NARS2: variants seen among roughly 807,000 people sequenced by gnomAD.
NARS2 encodes asparaginyl-tRNA synthetase.
Under a neutral mutation model 62.9 loss-of-function variants are expected in NARS2, and 60 were observed. The ratio of observed to expected loss-of-function variants is 0.95; its 90% CI spans 0.77 to 1.18. The LOEUF is 1.18. Among genes scored for constraint, NARS2 ranks in the 50% most tolerant of loss-of-function variants. The probability of loss-of-function intolerance (pLI) is 0.00; values close to 1 mark genes in which losing one functional copy is unlikely to be tolerated. For synonymous variants in NARS2, 196 were observed against 200.0 expected (o/e 0.98, Z 0.17); for missense variants, 619 against 576.4 (o/e 1.07, Z -0.76).
At chr11:78,547,602 C>T (rs914231195) in intron 5 of NARS2, among the ~76,000 whole-genome samples, 1 of 151,672 alleles carries the variant, frequency 6.6e-6, no homozygotes, top group Non-Finnish European at 1.5e-5. Flanking sequence ...TTTTGGGAGG[C>T]CACGGCAGGC....
At chr11:78,545,742 C>T (rs1855848338) in intron 5 of NARS2, among the ~76,000 whole-genome samples, 1 of 151,914 alleles carries the variant, frequency 6.6e-6, no homozygotes, top group Non-Finnish European at 1.5e-5. Flanking sequence ...TCGTATTGGC[C>T]AGGCTGGTCT....
At chr11:78,451,429 A>C (rs1483550182) in intron 11 of NARS2, among the ~76,000 whole-genome samples, 1 of 152,252 alleles carries the variant, frequency 6.6e-6, no homozygotes, top group Admixed American at 6.5e-5. Context: ...GCAATTACAC[A>C]AATTTCTTGG....
intron 7 of NARS2, among the ~76,000 whole-genome samples, chr11:78,483,488 C>A (rs940289351): frequency 1.3e-5 from 2 of 152,252 alleles, no homozygotes; most frequent in South Asian, 4.1e-4. Context: ...ATTTAGAAAA[C>A]CACATCGTCT....
chr11:78,546,672 C>T (rs1855889648), intron 5 of NARS2: 2 of 152,286 alleles, frequency 1.3e-5, no homozygotes, highest in African/African-American at 4.8e-5. Context: ...TTCACTATAT[C>T]CCCTTGCTTC....
chr11:78,501,081 G>C (rs887803594), intron 6 of NARS2, among the ~76,000 whole-genome samples: 1 of 152,090 alleles, frequency 6.6e-6, no homozygotes, highest in Admixed American at 6.6e-5. Flanking sequence ...GACAGAGTGA[G>C]ACCCTGTCTC....
intron 7 of NARS2, among the ~76,000 whole-genome samples, chr11:78,486,111 G>A (rs1176355219): frequency 3.3e-5 from 5 of 152,160 alleles, no homozygotes; most frequent in African/African-American, 4.8e-5. Flanking sequence ...CTGACCTCAG[G>A]TGATCTGCCC....
intron 5 of NARS2, among the ~76,000 whole-genome samples, chr11:78,554,508 C>CGTGCGTGTGTGTGTGT (rs112168447): frequency 3.5e-4 from 51 of 147,014 alleles, no homozygotes; most frequent in Middle Eastern, 3.4e-3. Flanking sequence ...GGCGTGTGTG[C>CGTGCGTGTGTGTGTGT]GTGTGTGTGT....
At chr11:78,542,794 G>A (rs1855675094) in intron 5 of NARS2, among the ~76,000 whole-genome samples, 2 of 152,326 alleles carry the variant, frequency 1.3e-5, no homozygotes, top group Non-Finnish European at 2.9e-5. Flanking sequence ...AGTAACTCTA[G>A]AGGCTGGAGT....
At chr11:78,482,933 C>T (rs1859419109) in intron 7 of NARS2, among the ~76,000 whole-genome samples, 2 of 152,012 alleles carry the variant, frequency 1.3e-5, no homozygotes, top group Admixed American at 6.5e-5. Context: ...AGAGACACAA[C>T]AAAAAAAGAA....
chr11:78,456,385 C>T (rs573416990), intron 11 of NARS2, among the ~76,000 whole-genome samples: 2 of 152,216 alleles, frequency 1.3e-5, no homozygotes, highest in African/African-American at 2.4e-5. Context: ...AAGTATTTTA[C>T]GACAGACTGA....
intron 6 of NARS2, among the ~76,000 whole-genome samples, chr11:78,518,063 C>T (rs973729137): frequency 2.6e-5 from 4 of 152,196 alleles, no homozygotes; most frequent in Middle Eastern, 3.4e-3. Context: ...CGGCCCTCTG[C>T]ATTTACAGAT....
intron 5 of NARS2, among the ~76,000 whole-genome samples, chr11:78,542,605 T>C (rs1281631588): frequency 6.6e-6 from 1 of 152,166 alleles, no homozygotes; most frequent in East Asian, 1.9e-4. Context: ...CACAAAGGAC[T>C]TGACTACCAC....
intron 9 of NARS2, among the ~76,000 whole-genome samples, chr11:78,470,338 G>A (rs1279481349): frequency 6.6e-6 from 1 of 152,094 alleles, no homozygotes; most frequent in African/African-American, 2.4e-5. Context: ...ATGTATAAGA[G>A]TATACATCTC....
chr11:78,571,534 G>A lies in NARS2; in HGVS notation c.142-90C>T, dbSNP rs1419721184. On this transcript the variant is annotated intron_variant, in intron 1 of 13. Coordinates refer to ENST00000281038, the MANE Select transcript of NARS2 (RefSeq NM_024678.6). ...CACAGACTAAATGAAAGTAAAACAT[G>A]TACTCACAATCCTGCCTCAACAAAT... 11 of 818,836 alleles carry A rather than the reference G, an allele frequency of 1.3e-5. No individual in the cohort carries two copies. The African/African-American group carries it at 1.9e-4, about 14-fold the overall frequency. 50.7% of individuals were successfully genotyped at this position (818,836 alleles called of 1,614,324 possible). A position where few individuals can be genotyped will look rare whatever the true frequency, so the allele number is the denominator to read the frequency against.
At chr11:78,509,838 A>AAAAAGAAAAG (rs541879485) in intron 6 of NARS2, among the ~76,000 whole-genome samples, 1 of 150,916 alleles carries the variant, frequency 6.6e-6, no homozygotes, top group South Asian at 2.1e-4. Context: ...AAAAAAAAAA[A>AAAAAGAAAAG]AAAAGAAAAG....
At chr11:78,443,886 C>T (rs1857660395) in intron 11 of NARS2, 128 bp from the exon 12 acceptor site, 2 of 633,066 alleles carry the variant, frequency 3.2e-6, no homozygotes. Flanking sequence ...TTACTGACTA[C>T]ATACAAATTA....
intron 13 of NARS2, among the ~76,000 whole-genome samples, chr11:78,437,996 A>AG (rs1857463229): frequency 1.3e-5 from 2 of 150,504 alleles, no homozygotes; most frequent in East Asian, 3.9e-4. Context: ...AAAGAAAGAA[A>AG]AAAAAAAAAA....
chr11:78,571,415 C>G lies in NARS2; in HGVS notation c.171G>C (p.Lys57Asn). 1 of 1,613,188 alleles carries G rather than the reference C, an allele frequency of 6.2e-7. No individual in the cohort carries two copies. The highest frequency in any genetic ancestry group is 8.5e-7 in the Non-Finnish European group (1 of 1,179,722). ...QGWIRSVRSQ[K>N]EVLFLHVNDG... ...CATTTACATGCAGGAACAAGACTTC[C>G]TTCTGGGATCGGACAGAACGAATCC... Residue 57 changes from lysine to asparagine, a missense_variant, in exon 2 of 14, where the codon AAG becomes AAC. Physicochemically the swap from Lys to Asn is moderately conservative, Grantham distance 94. Transcript: ENST00000281038.
chr11:78,560,414 A>G (rs1396950644), intron 4 of NARS2, among the ~76,000 whole-genome samples: 1 of 152,220 alleles, frequency 6.6e-6, no homozygotes, highest in Non-Finnish European at 1.5e-5. Context: ...TGCTTCTTTC[A>G]TTTTGACTAT....
Sources: gnomAD v4.1 joint callset for allele counts (sites outside exome capture counted in the v4.1 genomes callset) on GRCh38, gnomAD v4.1.1 for gene constraint, MANE v1.5 for transcripts, NCBI Gene and HGNC (gene_info 2026-07-23, HGNC 2026-07-21) for gene names.